THSD7B: variants seen among roughly 807,000 people sequenced by gnomAD.
THSD7B encodes thrombospondin type 1 domain containing 7B.
In THSD7B, 138 loss-of-function variants were observed where a neutral mutation model predicts 213.6. The ratio of observed to expected loss-of-function variants is 0.65; its 90% CI spans 0.56 to 0.74. THSD7B has a LOEUF of 0.74. THSD7B is among the 30% of genes least tolerant of loss of function. The pLI, the probability that THSD7B is intolerant of heterozygous loss-of-function variation, is 0.00. For missense variants in THSD7B, 1,931 were observed against 1,991.5 expected (o/e 0.97, Z 0.58); for synonymous variants, 742 against 687.0 (o/e 1.08, Z -1.25).
At chr2:136,899,746 G>A (rs181622627) in intron 2 of THSD7B, among the ~76,000 whole-genome samples, 17 of 152,240 alleles carry the variant, frequency 1.1e-4, no homozygotes, top group African/African-American at 3.9e-4. Flanking sequence ...CTCATAGTGC[G>A]ACCCAGAATA....
At chr2:136,915,847 A>T (rs1355201702) in intron 2 of THSD7B, among the ~76,000 whole-genome samples, 1 of 152,242 alleles carries the variant, frequency 6.6e-6, no homozygotes, top group Non-Finnish European at 1.5e-5. Flanking sequence ...TAAATTCAAC[A>T]ACAACAAAAG....
chr2:137,030,409 C>G (rs534234021), intron 2 of THSD7B, among the ~76,000 whole-genome samples: 3 of 151,972 alleles, frequency 2.0e-5, no homozygotes, highest in Non-Finnish European at 4.4e-5. Context: ...CCAGTAGGCA[C>G]GAGTTTAGGC....
chr2:137,167,793 C>G (rs557831557), intron 6 of THSD7B, among the ~76,000 whole-genome samples: 6 of 152,190 alleles, frequency 3.9e-5, no homozygotes, highest in Admixed American at 6.5e-5. Context: ...TTATGGCTCT[C>G]CCCTGCTGTG....
At chr2:137,081,217 C>A (rs192153491) in intron 3 of THSD7B, among the ~76,000 whole-genome samples, 6 of 151,918 alleles carry the variant, frequency 3.9e-5, no homozygotes, top group Admixed American at 1.3e-4. Flanking sequence ...TATAGTAGTT[C>A]GTTTCAATGT....
intron 10 of THSD7B, among the ~76,000 whole-genome samples, chr2:137,264,813 A>G (rs1193928769): frequency 6.7e-6 from 1 of 150,248 alleles, no homozygotes; most frequent in Non-Finnish European, 1.5e-5. Flanking sequence ...TTTTTTTTTA[A>G]ATTTTTTTTA....
chr2:136,937,011 G>A (rs575755933), intron 2 of THSD7B, among the ~76,000 whole-genome samples: 21 of 151,926 alleles, frequency 1.4e-4, no homozygotes, highest in Non-Finnish European at 2.8e-4. Flanking sequence ...AAAATGTTCA[G>A]CACAATGGTT....
rs777353589 is a variant in THSD7B, at chr2:136,807,509, G to GTTTTTTTTTTTTTTTTTTTT, written c.-36+41838_-36+41839insTTTTTTTTTTTTTTTTTTTT. 2.9e-5 allele frequency among the ~76,000 whole-genome samples: 3 copies of GTTTTTTTTTTTTTTTTTTTT among 104,886 alleles called. 1 individual carries two copies. Among genetic ancestry groups the GTTTTTTTTTTTTTTTTTTTT allele is most frequent in the African/African-American group, 1.1e-4 (3 of 27,060 alleles). The allele number at this position is 104,886 out of a possible 152,430, so 68.8% of individuals were successfully genotyped here. On this transcript the variant is annotated intron_variant, in intron 1 of 27. Transcript: ENST00000409968. ...ACTTCCTAGCACTACAAAATGTTTC[G>GTTTTTTTTTTTTTTTTTTTT]TTTTTTTTTTTTTTTTGAGACGGAG...
intron 2 of THSD7B, among the ~76,000 whole-genome samples, chr2:136,907,525 A>C (rs1684185312): frequency 6.6e-6 from 1 of 152,212 alleles, no homozygotes; most frequent in African/African-American, 2.4e-5. Flanking sequence ...CAACAGAAAA[A>C]ATTCAAAACA....
chr2:137,321,966 TATGGGGAAG>T (rs1684272204), intron 12 of THSD7B, among the ~76,000 whole-genome samples: 4 of 152,188 alleles, frequency 2.6e-5, no homozygotes, highest in Non-Finnish European at 5.9e-5. Context: ...ATTGAGACAT[TATGGGGAAG>T]CAGATGCTTT....
intron 2 of THSD7B, among the ~76,000 whole-genome samples, chr2:136,966,697 CT>C (rs1461371787): frequency 5.3e-5 from 8 of 152,146 alleles, no homozygotes; most frequent in African/African-American, 1.9e-4. Flanking sequence ...TGACAAAAAT[CT>C]GGCATCATCC....
intron 15 of THSD7B, among the ~76,000 whole-genome samples, chr2:137,482,689 T>G (rs969249773): frequency 2.6e-5 from 4 of 152,164 alleles, no homozygotes; most frequent in African/African-American, 4.8e-5. Context: ...AAACTGTTTT[T>G]TTTTTTTCCC....
chr2:136,779,196 ATATGTG>A (rs1248312782), intron 1 of THSD7B, among the ~76,000 whole-genome samples: 6,752 of 134,098 alleles, frequency 0.05, 257 homozygotes, highest in African/African-American at 0.12. Flanking sequence ...CTATATATAT[ATATGTG>A]TGTGTGTGTG....
At chr2:137,266,196 A>T (rs1361176688) in intron 10 of THSD7B, among the ~76,000 whole-genome samples, 3 of 152,182 alleles carry the variant, frequency 2.0e-5, no homozygotes, top group African/African-American at 7.2e-5. Context: ...CAATGTGTTC[A>T]TGCTTTACAT....
intron 12 of THSD7B, among the ~76,000 whole-genome samples, chr2:137,404,072 A>G (rs1008084264): frequency 1.3e-5 from 2 of 152,194 alleles, no homozygotes; most frequent in African/African-American, 4.8e-5. Context: ...TCATAAATAA[A>G]ATAAAACAAA....
At chr2:137,400,304 T>C (rs1686322362) in intron 12 of THSD7B, among the ~76,000 whole-genome samples, 1 of 152,162 alleles carries the variant, frequency 6.6e-6, no homozygotes, top group African/African-American at 2.4e-5. Context: ...GTTTTTTTTT[T>C]CTTTCCATGA....
At chr2:137,498,632 G>A (rs1428202209) in intron 15 of THSD7B, among the ~76,000 whole-genome samples, 1 of 152,032 alleles carries the variant, frequency 6.6e-6, no homozygotes, top group African/African-American at 2.4e-5. Context: ...TCTGGGGGTA[G>A]GGGAGCTCTT....
intron 12 of THSD7B, among the ~76,000 whole-genome samples, chr2:137,328,354 C>T (rs894993827): frequency 6.6e-6 from 1 of 152,176 alleles, no homozygotes; most frequent in Admixed American, 6.5e-5. Context: ...TGTCCTCTTA[C>T]TCCAAGACTT....
At chr2:137,000,519 C>G (rs77965938) in intron 2 of THSD7B, among the ~76,000 whole-genome samples, 2,737 of 152,110 alleles carry the variant, frequency 0.018, 37 homozygotes, top group East Asian at 0.042. Context: ...TCTTAGTGTA[C>G]TCATGAAACT....
chr2:137,451,322 A>G (rs568297596), intron 15 of THSD7B, among the ~76,000 whole-genome samples: 2 of 151,724 alleles, frequency 1.3e-5, no homozygotes, highest in African/African-American at 4.8e-5. Flanking sequence ...AGTTGGATAT[A>G]TATATGTGTG....
Sources: allele counts gnomAD v4.1 joint callset (sites outside exome capture counted in the v4.1 genomes callset), GRCh38; gene constraint gnomAD v4.1.1; transcripts MANE v1.5; gene names NCBI Gene and HGNC (gene_info 2026-07-23, HGNC 2026-07-21).